TNRC18: variants seen among roughly 807,000 people sequenced by gnomAD.
TNRC18 encodes the protein trinucleotide repeat containing 18.
In TNRC18, 69 loss-of-function variants were observed where a neutral mutation model predicts 226.7. That is an observed-to-expected ratio of 0.30 (90% CI 0.25 to 0.37). The LOEUF is 0.37. TNRC18 is among the 10% of genes least tolerant of loss of function. The pLI is 1.00. For synonymous variants in TNRC18, 2,449 were observed against 1,927.6 expected (o/e 1.27, Z -7.09); for missense variants, 4,754 against 4,256.6 (o/e 1.12, Z -3.25).
chr7:5,334,665 G>A (rs1166848808), intron 18 of TNRC18, among the ~76,000 whole-genome samples: 1 of 152,148 alleles, frequency 6.6e-6, no homozygotes, highest in African/African-American at 2.4e-5. Flanking sequence ...TGTGGGTGCA[G>A]GCCACAGGCA....
At chr7:5,365,979 G>A (rs533318249) in intron 11 of TNRC18, among the ~76,000 whole-genome samples, 1 of 152,272 alleles carries the variant, frequency 6.6e-6, no homozygotes, top group East Asian at 1.9e-4. Flanking sequence ...GCTGAGGCAG[G>A]AGAGTCGCTT....
At chr7:5,330,906 C>A (rs1789460899) in intron 19 of TNRC18, among the ~76,000 whole-genome samples, 1 of 152,102 alleles carries the variant, frequency 6.6e-6, no homozygotes, top group African/African-American at 2.4e-5. Context: ...AACTCCTGAC[C>A]TCAAGTGATC....
At chr7:5,328,921 T>C (rs1789222300) in intron 19 of TNRC18, among the ~76,000 whole-genome samples, 1 of 152,078 alleles carries the variant, frequency 6.6e-6, no homozygotes, top group Non-Finnish European at 1.5e-5. Context: ...ACTTGGAAAT[T>C]TGAGGCTGCA....
At chr7:5,351,724 T>C (rs1791834795) in intron 17 of TNRC18, 95 bp downstream of exon 17, 2 of 1,391,392 alleles carry the variant, frequency 1.4e-6, no homozygotes, top group Non-Finnish European at 1.9e-6. Flanking sequence ...TCACCCACCA[T>C]CTCTCCCGTG....
intron 24 of TNRC18, among the ~76,000 whole-genome samples, chr7:5,317,376 G>C (rs1337721255): frequency 1.3e-5 from 2 of 152,122 alleles, no homozygotes; most frequent in East Asian, 1.9e-4. Context: ...GATCACCTGA[G>C]GTCACGAGTT....
intron 19 of TNRC18, chr7:5,329,960 T>C (rs1185112056): frequency 8.5e-6 from 4 of 471,082 alleles, no homozygotes; most frequent in South Asian, 1.5e-5. Context: ...TTTGATACTG[T>C]AGCAGGAACC....
At chr7:5,386,148 C>A (rs556397103) in intron 5 of TNRC18, among the ~76,000 whole-genome samples, 5 of 151,192 alleles carry the variant, frequency 3.3e-5, no homozygotes, top group African/African-American at 1.2e-4. Context: ...GTTAGCCAGG[C>A]GTGATGGCAC....
Position 5,359,520 on chromosome 7 carries a change from C to T in TNRC18, c.4711G>A (p.Gly1571Arg), listed in dbSNP as rs61746067. Residue 1571 changes from glycine (G) to arginine (R), a missense_variant, in exon 15 of 30, where the codon GGG (glycine) becomes AGG (arginine). By Grantham distance (125) the Gly-to-Arg change is moderately radical. Transcript: ENST00000430969. ...GACCCCTTGTGTCTCTTTCTTATCC[C>T]TGCTCCCAGCTCATAATCATCTGAT... Reference protein sequence around the residue: ...LTSDDYELGAGIRKRHKGSEE... With the variant: ...LTSDDYELGARIRKRHKGSEE... 13 of 1,614,004 alleles carry T rather than the reference C, an allele frequency of 8.1e-6. No individual in the cohort carries two copies. The highest frequency in any genetic ancestry group is 1.6e-4 in the Middle Eastern group (1 of 6,062).
intron 17 of TNRC18, among the ~76,000 whole-genome samples, chr7:5,351,078 C>T (rs937997396): frequency 2.0e-5 from 3 of 152,026 alleles, no homozygotes; most frequent in Admixed American, 6.6e-5. Flanking sequence ...GAGGTGAAGG[C>T]GCTTGATTTT....
At chr7:5,375,562 C>T (rs1250777397) in intron 9 of TNRC18, among the ~76,000 whole-genome samples, 1 of 152,170 alleles carries the variant, frequency 6.6e-6, no homozygotes, top group Non-Finnish European at 1.5e-5. Flanking sequence ...TATGCACTAC[C>T]TGGGCCGACT....
chr7:5,331,390 T>C (rs189741664), intron 19 of TNRC18, among the ~76,000 whole-genome samples: 3 of 152,204 alleles, frequency 2.0e-5, no homozygotes, highest in African/African-American at 4.8e-5. Flanking sequence ...GGGGTGTTCA[T>C]AGAGAGAATT....
chr7:5,373,437 G>A (rs1190370587), intron 10 of TNRC18, among the ~76,000 whole-genome samples: 1 of 152,186 alleles, frequency 6.6e-6, no homozygotes, highest in African/African-American at 2.4e-5. Context: ...GCAGCTGGAG[G>A]CACACAAAAG....
chr7:5,374,272 C>T lies in TNRC18; in HGVS notation c.3012G>A (p.Leu1004=). 1 of 1,489,206 alleles carries T rather than the reference C, an allele frequency of 6.7e-7. No individual in the cohort carries two copies. The highest frequency in any genetic ancestry group is 2.6e-5 in the East Asian group (1 of 38,302). The allele number at this position is 1,489,206 out of a possible 1,614,324, so 92.2% of individuals were successfully genotyped here. A position where few individuals can be genotyped will look rare whatever the true frequency, so the allele number is the denominator to read the frequency against. ...CCAGCTTCTGGATGACCTTGGCCTT[C>T]AGGGCAGCCACAGGGGATGCGCGGG... ...PSPRASPVAA[L]KAKVIQKLED... is the part of the protein sequence containing the mutation. Residue 1004 remains leucine (L), a synonymous_variant, in exon 10 of 30, where the codon CTG becomes CTA. Coordinates refer to ENST00000430969, the MANE Select transcript of TNRC18 (RefSeq NM_001080495.3).
chr7:5,318,551 G>T (rs910291961), intron 24 of TNRC18, among the ~76,000 whole-genome samples: 3 of 151,994 alleles, frequency 2.0e-5, no homozygotes, highest in Non-Finnish European at 2.9e-5. Context: ...AAGAATGAAG[G>T]AAATTTGCTT....
Position 5,345,517 on chromosome 7 carries a change from G to GACCCCC in TNRC18, c.5719+44_5719+45insGGGGGT. 1.2e-4 allele frequency: 46 copies of GACCCCC among 377,744 alleles called. 2 individuals carry two copies. The highest frequency in any genetic ancestry group is 9.2e-4 in the South Asian group (21 of 22,822). The allele number at this position is 377,744 out of a possible 1,614,324, so 23.4% of individuals were successfully genotyped here. On this transcript the variant is annotated intron_variant, in intron 18 of 29. Coordinates refer to ENST00000430969, the MANE Select transcript of TNRC18 (RefSeq NM_001080495.3). ...CCTGTGGGATGGGGCAATGGCGTCCGCCCCTCCCACCCACCCCCACCGCAG... is the reference window on the plus strand; with the variant it reads ...CCTGTGGGATGGGGCAATGGCGTCCGACCCCCCCCCTCCCACCCACCCCCACCGCAG...
At chr7:5,408,929 T>G (rs1246165080) in intron 2 of TNRC18, among the ~76,000 whole-genome samples, 21 of 152,150 alleles carry the variant, frequency 1.4e-4, no homozygotes, top group Non-Finnish European at 1.5e-5. Flanking sequence ...GACTAGGGTG[T>G]GGACCAAAGG....
chr7:5,317,457 G>T (rs1443196695), intron 24 of TNRC18, among the ~76,000 whole-genome samples: 1 of 152,070 alleles, frequency 6.6e-6, no homozygotes. Flanking sequence ...CGGGCATGGT[G>T]GTGCATGCCT....
chr7:5,359,988 G>A (rs1404635029), intron 14 of TNRC18, among the ~76,000 whole-genome samples: 2 of 151,254 alleles, frequency 1.3e-5, no homozygotes, highest in African/African-American at 2.4e-5. Flanking sequence ...TTCCAGTAAG[G>A]GAAAAAAAAA....
At position 5,313,629 on chromosome 7, in the gene TNRC18, G is replaced by C; in HGVS notation, c.7262C>G (p.Ser2421Cys). Reference sequence around the variant, plus strand: ...GGTGATGAGGGGTGCTGGGGCCAGGGAGGTGGCAGGAGCTGGCAGCTCTGC... The same window carrying C: ...GGTGATGAGGGGTGCTGGGGCCAGGCAGGTGGCAGGAGCTGGCAGCTCTGC... ...PFAELPAPAT[S>C]LAPAPLITMP... The change falls in exon 27 of 30, where the codon TCC (serine) becomes TGC (cysteine). Residue 2421 changes from serine to cysteine, a missense_variant. Ser to Cys is a moderately radical substitution (Grantham distance 112). Coordinates refer to ENST00000430969, the MANE Select transcript of TNRC18 (RefSeq NM_001080495.3). 10 of 1,604,116 alleles carry C rather than the reference G, an allele frequency of 6.2e-6. No individual in the cohort carries two copies. The highest frequency in any genetic ancestry group is 8.5e-6 in the Non-Finnish European group (10 of 1,176,226).
Sources: allele counts gnomAD v4.1 joint callset (sites outside exome capture counted in the v4.1 genomes callset), GRCh38; gene constraint gnomAD v4.1.1; transcripts MANE v1.5; gene names NCBI Gene and HGNC (gene_info 2026-07-23, HGNC 2026-07-21).